The following GRM8 variants were observed in gnomAD, a reference collection of about 807,000 sequenced individuals.
GRM8 encodes the protein metabotropic glutamate receptor 8.
A neutral mutation model predicts 87.2 loss-of-function variants in GRM8; 47 were observed. The ratio of observed to expected loss-of-function variants is 0.54; its 90% CI spans 0.43 to 0.69. The LOEUF is 0.69. GRM8 is among the 30% of genes least tolerant of loss of function. GRM8 has a pLI of 0.00. For synonymous variants in GRM8, 396 were observed against 404.5 expected (o/e 0.98, Z 0.25); for missense variants, 1,019 against 1,139.2 (o/e 0.89, Z 1.52).
At chr7:127,106,748 C>A in intron 2 of GRM8, 36 bp from the exon 3 acceptor site, 1 of 1,414,104 alleles carries the variant, frequency 7.1e-7, no homozygotes, top group African/African-American at 1.4e-5. Flanking sequence ...CAACCCATGA[C>A]GAATCTTGAA....
At chr7:127,087,678 G>A (rs897722659) in intron 3 of GRM8, among the ~76,000 whole-genome samples, 4 of 152,182 alleles carry the variant, frequency 2.6e-5, no homozygotes, top group Non-Finnish European at 5.9e-5. Flanking sequence ...GATATCTGCT[G>A]TACAACGCTG....
chr7:127,231,251 A>T (rs914623769), intron 2 of GRM8, among the ~76,000 whole-genome samples: 1 of 152,110 alleles, frequency 6.6e-6, no homozygotes, highest in Non-Finnish European at 1.5e-5. Context: ...GATGGGGGAA[A>T]AAAAAAAGAT....
chr7:126,646,353 T>C (rs1803091657), intron 7 of GRM8, among the ~76,000 whole-genome samples: 1 of 146,560 alleles, frequency 6.8e-6, no homozygotes, highest in African/African-American at 2.5e-5. Flanking sequence ...TTTGATACCC[T>C]GATCCTTCTT....
intron 3 of GRM8, among the ~76,000 whole-genome samples, chr7:127,037,344 G>T (rs11563777): frequency 0.066 from 10,063 of 152,142 alleles, 458 homozygotes; most frequent in Middle Eastern, 0.099. Flanking sequence ...TGCCTCCCAG[G>T]ACTTGCTCCA....
At chr7:126,496,974 T>TG (rs1364030634) in intron 9 of GRM8, among the ~76,000 whole-genome samples, 1 of 151,370 alleles carries the variant, frequency 6.6e-6, no homozygotes, top group African/African-American at 2.4e-5. Flanking sequence ...TTTTGGATTT[T>TG]TTTTTTTTTT....
chr7:126,888,113 C>G (rs1800671944), intron 6 of GRM8, among the ~76,000 whole-genome samples: 2 of 152,044 alleles, frequency 1.3e-5, no homozygotes, highest in South Asian at 4.1e-4. Flanking sequence ...GGTACAAATA[C>G]ACAAAAGAGG....
chr7:126,733,913 G>C (rs10259459), intron 7 of GRM8, among the ~76,000 whole-genome samples: 49,372 of 151,756 alleles, frequency 0.33, 8,653 homozygotes, highest in Non-Finnish European at 0.38. Flanking sequence ...ACATGTAAAA[G>C]AAATAAGAAT....
chr7:126,526,865 G>T (rs1333206099), intron 9 of GRM8, among the ~76,000 whole-genome samples: 1 of 152,166 alleles, frequency 6.6e-6, no homozygotes, highest in Non-Finnish European at 1.5e-5. Flanking sequence ...TTTAAATTAA[G>T]AGCATAAATG....
At chr7:127,034,648 A>G (rs1817683268) in intron 3 of GRM8, among the ~76,000 whole-genome samples, 1 of 152,164 alleles carries the variant, frequency 6.6e-6, no homozygotes, top group South Asian at 2.1e-4. Context: ...TGGTTATACA[A>G]TCTATGTCAC....
At chr7:127,223,570 A>G (rs910151385) in intron 2 of GRM8, among the ~76,000 whole-genome samples, 4 of 151,984 alleles carry the variant, frequency 2.6e-5, no homozygotes, top group Non-Finnish European at 4.4e-5. Flanking sequence ...CCACCAGGAT[A>G]GTTTCTGAGA....
intron 2 of GRM8, among the ~76,000 whole-genome samples, chr7:127,173,846 T>C (rs1793950437): frequency 6.6e-6 from 1 of 152,172 alleles, no homozygotes. Flanking sequence ...AGAGGCATTC[T>C]TCAGGTAAGG....
chr7:126,792,109 T>C (rs1224633210), intron 6 of GRM8, among the ~76,000 whole-genome samples: 1 of 152,198 alleles, frequency 6.6e-6, no homozygotes, highest in Non-Finnish European at 1.5e-5. Context: ...GCAAGGCCCA[T>C]GGTCCCAGGA....
intron 6 of GRM8, among the ~76,000 whole-genome samples, chr7:126,832,125 C>T (rs1795443870): frequency 6.7e-6 from 1 of 150,024 alleles, no homozygotes. Flanking sequence ...ATGACTAGAA[C>T]TCAGATCATT....
At chr7:127,205,704 C>T (rs2237801) in intron 2 of GRM8, among the ~76,000 whole-genome samples, 62,396 of 151,916 alleles carry the variant, frequency 0.41, 14,729 homozygotes, top group African/African-American at 0.65. Context: ...GCTCCCCCAC[C>T]TGCTAATATT....
intron 6 of GRM8, among the ~76,000 whole-genome samples, chr7:126,849,288 G>A (rs1277534962): frequency 6.7e-6 from 1 of 148,964 alleles, no homozygotes; most frequent in Non-Finnish European, 1.5e-5. Flanking sequence ...AAGCATATAG[G>A]GAATACTTTA....
chr7:126,788,420 A>AAAAAAAAAAAAAAAAAAAAAAAAAAAAAC, intron 6 of GRM8, among the ~76,000 whole-genome samples: 12 of 81,128 alleles, frequency 1.5e-4, no homozygotes, highest in African/African-American at 5.0e-4. Context: ...AAAAAAAAAA[A>AAAAAAAAAAAAAAAAAAAAAAAAAAAAAC]AAACCCTTTC....
chr7:126,519,736 G>C (rs1812698715), intron 9 of GRM8, among the ~76,000 whole-genome samples: 1 of 152,044 alleles, frequency 6.6e-6, no homozygotes, highest in African/African-American at 2.4e-5. Flanking sequence ...GAACTTTATG[G>C]CAAAAATCTG....
chr7:127,097,151 A>C (rs987986004), intron 3 of GRM8, among the ~76,000 whole-genome samples: 1 of 152,198 alleles, frequency 6.6e-6, no homozygotes, highest in Non-Finnish European at 1.5e-5. Flanking sequence ...CACTACAATC[A>C]GAGTGGCAAG....
Position 127,027,425 on chromosome 7 carries a change from C to A in GRM8, c.727+79071G>T, listed in dbSNP as rs370343837. Among the ~76,000 whole-genome samples, 148 of 152,266 alleles carry A rather than the reference C, an allele frequency of 9.7e-4. 1 individual carries two copies. The highest frequency in any genetic ancestry group is 3.5e-3 in the African/African-American group (145 of 41,544). On this transcript the variant is annotated intron_variant, in intron 3 of 10. Coordinates refer to ENST00000339582, the MANE Select transcript of GRM8 (RefSeq NM_000845.3). ...CATTGAATCTATAAATCACCTTGGG[C>A]AGTATGGCCTTTTTCACAATATTAA... is the stretch of plus-strand genomic sequence containing the variant.
Sources: allele counts gnomAD v4.1 joint callset (sites outside exome capture counted in the v4.1 genomes callset), GRCh38; gene constraint gnomAD v4.1.1; transcripts MANE v1.5; gene names NCBI Gene and HGNC (gene_info 2026-07-23, HGNC 2026-07-21).